Variants in AKT2 observed in about 807,000 individuals in gnomAD.
The protein encoded by AKT2 is AKT serine/threonine kinase 2, also known as RAC-beta serine/threonine-protein kinase.
A neutral mutation model predicts 58.6 loss-of-function variants in AKT2; 16 were observed. The ratio of observed to expected loss-of-function variants is 0.27; its 90% CI spans 0.18 to 0.41. The LOEUF is 0.41. Ranked by LOEUF, AKT2 falls within the 10% of genes least tolerant of loss-of-function variation. The pLI, the probability that AKT2 is intolerant of heterozygous loss-of-function variation, is 1.00. For missense variants in AKT2, 438 were observed against 661.0 expected (o/e 0.66, Z 3.70); for synonymous variants, 253 against 254.0 (o/e 1.00, Z 0.04).
chr19:40,253,546 C>A (rs1160880146), intron 4 of AKT2, among the ~76,000 whole-genome samples: 1 of 152,074 alleles, frequency 6.6e-6, no homozygotes, highest in Non-Finnish European at 1.5e-5. Context: ...AGTTAAACAC[C>A]CCGAGGTGCT....
chr19:40,258,931 C>G (rs1332275558), intron 2 of AKT2, among the ~76,000 whole-genome samples: 1 of 152,040 alleles, frequency 6.6e-6, no homozygotes, highest in East Asian at 1.9e-4. Context: ...CATGGAATTT[C>G]AAAGGGCCCC....
intron 3 of AKT2, among the ~76,000 whole-genome samples, chr19:40,255,833 T>A (rs1349915483): frequency 2.6e-5 from 4 of 152,016 alleles, no homozygotes; most frequent in Non-Finnish European, 5.9e-5. Flanking sequence ...AGGCTTTAGA[T>A]AGGGAAGAGA....
intron 1 of AKT2, among the ~76,000 whole-genome samples, chr19:40,281,707 GCTCT>G (rs752300983): frequency 6.6e-6 from 1 of 152,218 alleles, no homozygotes; most frequent in Non-Finnish European, 1.5e-5. Context: ...TCCTCCTAGT[GCTCT>G]CTGACACGGT....
chr19:40,282,673 C>T (rs769506371), intron 1 of AKT2: 19 of 373,958 alleles, frequency 5.1e-5, no homozygotes, highest in Admixed American at 2.5e-4. Flanking sequence ...GAATGCATGG[C>T]ACTAGGGGCT....
At chr19:40,257,934 G>C (rs561497575) in intron 2 of AKT2, among the ~76,000 whole-genome samples, 1 of 152,218 alleles carries the variant, frequency 6.6e-6, no homozygotes, top group South Asian at 2.1e-4. Context: ...AAAATGCCCA[G>C]AACAGGCAAA....
chr19:40,267,438 A>G (rs1976437044), intron 1 of AKT2, among the ~76,000 whole-genome samples: 1 of 152,078 alleles, frequency 6.6e-6, no homozygotes, highest in South Asian at 2.1e-4. Context: ...TCTGGCCTCC[A>G]TCAGGGACAG....
intron 2 of AKT2, among the ~76,000 whole-genome samples, chr19:40,259,699 C>G (rs1054132659): frequency 1.3e-5 from 2 of 152,160 alleles, no homozygotes; most frequent in African/African-American, 2.4e-5. Context: ...TTAACCAGAA[C>G]ACATAAAGAA....
At chr19:40,265,449 C>G (rs1405423449) in intron 1 of AKT2, 98 bp from the exon 2 acceptor site, 1 of 1,475,536 alleles carries the variant, frequency 6.8e-7, no homozygotes, top group African/African-American at 1.4e-5. Flanking sequence ...GCTGTTCTGC[C>G]CACTCAGCAA....
At chr19:40,247,405 G>A (rs1403113248) in intron 4 of AKT2, among the ~76,000 whole-genome samples, 1 of 152,220 alleles carries the variant, frequency 6.6e-6, no homozygotes, top group Non-Finnish European at 1.5e-5. Flanking sequence ...TGGAGGTGGA[G>A]TCACCTGTGA....
chr19:40,251,119 G>A (rs1975126676), intron 4 of AKT2, among the ~76,000 whole-genome samples: 1 of 151,534 alleles, frequency 6.6e-6, no homozygotes, highest in Non-Finnish European at 1.5e-5. Context: ...CGTAAGGATG[G>A]ATTAAGCTCA....
chr19:40,281,312 G>A (rs865918981), intron 1 of AKT2, among the ~76,000 whole-genome samples: 4 of 152,120 alleles, frequency 2.6e-5, no homozygotes, highest in Non-Finnish European at 4.4e-5. Context: ...GCAACATAGC[G>A]AGACTCCCGT....
At chr19:40,240,857 G>A in intron 6 of AKT2, 1 of 163,652 alleles carries the variant, frequency 6.1e-6, no homozygotes, top group Non-Finnish European at 1.3e-5. Flanking sequence ...TGTGAACATG[G>A]GTCACTACAG....
At chr19:40,271,179 A>T (rs2077205640) in intron 1 of AKT2, among the ~76,000 whole-genome samples, 2 of 146,432 alleles carry the variant, frequency 1.4e-5, no homozygotes, top group South Asian at 4.3e-4. Flanking sequence ...GTGTCTGCCA[A>T]AAAAAAAAAA....
At chr19:40,245,093 G>C (rs1249206963) in intron 4 of AKT2, among the ~76,000 whole-genome samples, 2 of 152,178 alleles carry the variant, frequency 1.3e-5, no homozygotes, top group Non-Finnish European at 2.9e-5. Flanking sequence ...CCTTCGATTT[G>C]ATGAAATATC....
At chr19:40,246,239 T>G (rs890605159) in intron 4 of AKT2, among the ~76,000 whole-genome samples, 42 of 152,268 alleles carry the variant, frequency 2.8e-4, no homozygotes, top group Middle Eastern at 3.4e-3. Flanking sequence ...GTTTAAGCGA[T>G]TCTCCTGCCT....
intron 2 of AKT2, among the ~76,000 whole-genome samples, chr19:40,264,354 C>T (rs2145357382): frequency 6.6e-6 from 1 of 152,282 alleles, no homozygotes; most frequent in Non-Finnish European, 1.5e-5. Flanking sequence ...TCTTCCCTGT[C>T]CTAACTTCAC....
Position 40,257,153 on chromosome 19 carries a change from G to C in AKT2, c.47-99C>G, listed in dbSNP as rs916458215. The C allele has an allele frequency of 8.9e-5, 131 of 1,477,202 alleles. No homozygotes were observed. In the African/African-American group the frequency reaches 1.8e-3, roughly 20 times the overall value. 91.5% of individuals were successfully genotyped at this position (1,477,202 alleles called of 1,614,324 possible). On this transcript the variant is annotated intron_variant, in intron 2 of 13. Transcript: ENST00000392038. ...CCCAGTGTGACGGTGACTCACAAGG[G>C]GTACCACGGGGCGGGGAGGTGCGGG...
intron 2 of AKT2, among the ~76,000 whole-genome samples, 193 bp from the exon 3 acceptor site, chr19:40,257,247 G>C (rs975335659): frequency 3.3e-5 from 5 of 152,218 alleles, no homozygotes; most frequent in Non-Finnish European, 7.4e-5. Context: ...CTGGGGCACT[G>C]GGCTGAGCCC....
At chr19:40,250,373 C>T (rs184789245) in intron 4 of AKT2, among the ~76,000 whole-genome samples, 3 of 151,956 alleles carry the variant, frequency 2.0e-5, no homozygotes, top group Admixed American at 1.3e-4. Flanking sequence ...CATGGTGGCG[C>T]GTGCCTGTAA....
Sources: allele counts gnomAD v4.1 joint callset (sites outside exome capture counted in the v4.1 genomes callset), GRCh38; gene constraint gnomAD v4.1.1; transcripts MANE v1.5; gene names NCBI Gene and HGNC (gene_info 2026-07-23, HGNC 2026-07-21).